The following EXOC6B variants were observed in gnomAD, a reference collection of about 807,000 sequenced individuals.
The protein encoded by EXOC6B is SEC15 homolog B.
A neutral mutation model predicts 113.5 loss-of-function variants in EXOC6B; 54 were observed. The observed-to-expected ratio is 0.48, with a 90% CI of 0.38 to 0.60. The LOEUF (loss-of-function observed/expected upper bound fraction) is 0.60. Ranked by LOEUF, EXOC6B falls within the 20% of genes least tolerant of loss-of-function variation. The pLI is 0.00. For missense variants in EXOC6B, 797 were observed against 977.5 expected, an observed-to-expected ratio of 0.82 and a Z score of 2.46; for synonymous variants, 357 against 339.0, an observed-to-expected ratio of 1.05 and a Z score of -0.58.
At chr2:72,187,411 G>C (rs917427956) in intron 20 of EXOC6B, among the ~76,000 whole-genome samples, 1 of 151,938 alleles carries the variant, frequency 6.6e-6, no homozygotes, top group Non-Finnish European at 1.5e-5. Flanking sequence ...CCTGCGACCA[G>C]GAAGAATGAG....
intron 18 of EXOC6B, among the ~76,000 whole-genome samples, chr2:72,389,465 C>T (rs1692239039): frequency 6.6e-6 from 1 of 151,850 alleles, no homozygotes; most frequent in Non-Finnish European, 1.5e-5. Context: ...ACTTTTTTAT[C>T]TTAACTACAT....
intron 1 of EXOC6B, among the ~76,000 whole-genome samples, chr2:72,770,378 T>C (rs184778022): frequency 1.3e-5 from 2 of 152,288 alleles, no homozygotes; most frequent in African/African-American, 4.8e-5. Context: ...TCGAAAATCC[T>C]TGTAGCAAAA....
chr2:72,368,967 C>A (rs894287993), intron 19 of EXOC6B, among the ~76,000 whole-genome samples: 20 of 152,276 alleles, frequency 1.3e-4, no homozygotes, highest in Non-Finnish European at 2.2e-4. Context: ...GACAGGGATG[C>A]CCACTTTCAC....
chr2:72,740,779 G>T (rs1681257827), intron 2 of EXOC6B, among the ~76,000 whole-genome samples: 1 of 152,068 alleles, frequency 6.6e-6, no homozygotes, highest in Non-Finnish European at 1.5e-5. Flanking sequence ...TGGTCCACAT[G>T]TAGTTATCCC....
intron 20 of EXOC6B, among the ~76,000 whole-genome samples, chr2:72,246,086 A>C (rs1682638759): frequency 6.6e-6 from 1 of 152,156 alleles, no homozygotes; most frequent in African/African-American, 2.4e-5. Flanking sequence ...ACAGGGTCTC[A>C]CTATGTTGTC....
intron 1 of EXOC6B, among the ~76,000 whole-genome samples, chr2:72,802,273 C>T (rs1251942002): frequency 6.7e-6 from 1 of 149,246 alleles, no homozygotes; most frequent in Admixed American, 6.7e-5. Context: ...TGCAGTGAGC[C>T]GAGATCACAC....
At chr2:72,730,564 A>G (rs1159670456) in intron 5 of EXOC6B, among the ~76,000 whole-genome samples, 2 of 130,954 alleles carry the variant, frequency 1.5e-5, no homozygotes, top group East Asian at 4.8e-4. Context: ...CCTCTCCAGT[A>G]GGTAAACAGA....
chr2:72,410,960 G>T (rs1032350923), intron 18 of EXOC6B, among the ~76,000 whole-genome samples: 2 of 152,314 alleles, frequency 1.3e-5, no homozygotes, highest in East Asian at 3.9e-4. Context: ...TATAGCCCCA[G>T]TACTTTGGGA....
intron 6 of EXOC6B, among the ~76,000 whole-genome samples, chr2:72,587,615 T>A (rs1428546924): frequency 6.6e-6 from 1 of 152,206 alleles, no homozygotes; most frequent in African/African-American, 2.4e-5. Context: ...TAGGGCCACC[T>A]TATCTTTAAC....
chr2:72,499,833 CA>C, intron 12 of EXOC6B, 67 bp downstream of exon 12: 1 of 1,124,440 alleles, frequency 8.9e-7, no homozygotes, highest in South Asian at 1.4e-5. Context: ...CAGACCCAGT[CA>C]AGAAAAAGGT....
At chr2:72,350,636 G>C (rs893729966) in intron 19 of EXOC6B, among the ~76,000 whole-genome samples, 1 of 152,184 alleles carries the variant, frequency 6.6e-6, no homozygotes, top group Admixed American at 6.5e-5. Context: ...AGTGAAATCT[G>C]AGACCTTAAG....
At chr2:72,454,552 G>C (rs1363859275) in intron 18 of EXOC6B, among the ~76,000 whole-genome samples, 2 of 152,048 alleles carry the variant, frequency 1.3e-5, no homozygotes, top group Non-Finnish European at 2.9e-5. Flanking sequence ...AGGAAATCAA[G>C]TATGAAAATT....
chr2:72,597,740 G>A (rs944110083), intron 6 of EXOC6B, among the ~76,000 whole-genome samples: 2 of 151,706 alleles, frequency 1.3e-5, no homozygotes, highest in Non-Finnish European at 2.9e-5. Flanking sequence ...ATAAAGAGAT[G>A]GGGAAACATA....
At chr2:72,365,488 A>G (rs982865472) in intron 19 of EXOC6B, among the ~76,000 whole-genome samples, 12 of 152,176 alleles carry the variant, frequency 7.9e-5, no homozygotes, top group African/African-American at 2.9e-4. Context: ...GCCTAGAGGC[A>G]GCTTCCAGGA....
At chr2:72,668,698 T>C (rs956453295) in intron 6 of EXOC6B, among the ~76,000 whole-genome samples, 2 of 152,160 alleles carry the variant, frequency 1.3e-5, no homozygotes, top group African/African-American at 4.8e-5. Context: ...TTCTCACTTA[T>C]AAGTGGGAGC....
intron 18 of EXOC6B, among the ~76,000 whole-genome samples, chr2:72,439,464 G>C (rs1696065924): frequency 6.6e-6 from 1 of 152,114 alleles, no homozygotes. Flanking sequence ...ATTTCAGAGA[G>C]ACAGTCTTTA....
intron 20 of EXOC6B, among the ~76,000 whole-genome samples, chr2:72,229,149 C>A (rs368610246): frequency 1.5e-4 from 23 of 151,852 alleles, no homozygotes; most frequent in African/African-American, 5.6e-4. Flanking sequence ...TCAAATAAAT[C>A]TCAGGTTTCT....
intron 1 of EXOC6B, among the ~76,000 whole-genome samples, chr2:72,807,372 T>C (rs944811806): frequency 1.3e-5 from 2 of 152,192 alleles, no homozygotes; most frequent in Admixed American, 1.3e-4. Context: ...TCTGTTCCAT[T>C]TGTCTGTGTG....
intron 20 of EXOC6B, among the ~76,000 whole-genome samples, chr2:72,237,065 T>G (rs1350539265): frequency 6.6e-6 from 1 of 152,076 alleles, no homozygotes; most frequent in African/African-American, 2.4e-5. Context: ...GGCATAGTGG[T>G]CCATGGAAAA....
Sources: allele counts gnomAD v4.1 joint callset (sites outside exome capture counted in the v4.1 genomes callset), GRCh38; gene constraint gnomAD v4.1.1; transcripts MANE v1.5; gene names NCBI Gene and HGNC (gene_info 2026-07-23, HGNC 2026-07-21).